MAP2K2: variants seen among roughly 807,000 people sequenced by gnomAD.
MAP2K2 encodes mitogen-activated protein kinase kinase 2, also known as dual specificity mitogen-activated protein kinase kinase 2.
Under a neutral mutation model 43.7 loss-of-function variants are expected in MAP2K2, and 24 were observed. The ratio of observed to expected loss-of-function variants is 0.55; its 90% CI spans 0.40 to 0.77. MAP2K2 has a LOEUF of 0.77. MAP2K2 is among the 30% of genes least tolerant of loss of function. The probability of loss-of-function intolerance (pLI) is 0.00; values close to 1 mark genes in which losing one functional copy is unlikely to be tolerated. For synonymous variants in MAP2K2, 244 were observed against 239.7 expected (o/e 1.02, Z -0.17); for missense variants, 470 against 566.8 (o/e 0.83, Z 1.73).
rs906118971 is a variant in MAP2K2 at position 4,101,920 on chromosome 19, C to T, written c.528+456G>A. Among the ~76,000 whole-genome samples the T allele has an allele frequency of 9.2e-5, 14 of 152,186 alleles. No individual in the cohort carries two copies. Among genetic ancestry groups the T allele is most frequent in the African/African-American group, 1.9e-4 (8 of 41,446 alleles). Reference sequence around the variant, plus strand: ...ACACGCACGGTCTGCTGAAACCACACGGCTCTACGGAGCAGCTGTGCTGGA... The same window carrying T: ...ACACGCACGGTCTGCTGAAACCACATGGCTCTACGGAGCAGCTGTGCTGGA... On this transcript the variant is annotated intron_variant, in intron 4 of 10. Coordinates refer to ENST00000262948, the MANE Select transcript of MAP2K2 (RefSeq NM_030662.4). This position sits in a 1 kb window ranked among gnomAD's most constrained non-coding sequence, Gnocchi z 6.3.
At chr19:4,104,414 G>A (rs1431918131) in intron 3 of MAP2K2, among the ~76,000 whole-genome samples, 4 of 151,994 alleles carry the variant, frequency 2.6e-5, no homozygotes, top group South Asian at 2.1e-4. Context: ...TCAGCCGGGC[G>A]TGGTGGTGCA....
intron 2 of MAP2K2, among the ~76,000 whole-genome samples, chr19:4,112,039 G>C (rs937764232): frequency 6.6e-6 from 1 of 152,154 alleles, no homozygotes; most frequent in Non-Finnish European, 1.5e-5. Flanking sequence ...ACAAGCCCCA[G>C]AAGAGCCAGG....
intron 3 of MAP2K2, among the ~76,000 whole-genome samples, chr19:4,108,343 C>T (rs2041113149): frequency 6.6e-6 from 1 of 152,120 alleles, no homozygotes; most frequent in South Asian, 2.1e-4. Flanking sequence ...AGGGTTCACG[C>T]CATTCCCCTG....
intron 2 of MAP2K2, among the ~76,000 whole-genome samples, chr19:4,114,659 C>A (rs570718221): frequency 9.4e-4 from 143 of 152,312 alleles, no homozygotes; most frequent in African/African-American, 3.2e-3. Context: ...CCTCAAATAC[C>A]GAGACTGGGC....
At position 4,102,298 on chromosome 19, in the gene MAP2K2, C is replaced by A; in HGVS notation, c.528+78G>T. The A allele has an allele frequency of 3.1e-6, 4 of 1,287,216 alleles. No individual in the cohort carries two copies. In the South Asian group the frequency reaches 5.1e-5, roughly 16 times the overall value. The allele number at this position is 1,287,216 out of a possible 1,614,324, so 79.7% of individuals were successfully genotyped here. A position where few individuals can be genotyped will look rare whatever the true frequency, so the allele number is the denominator to read the frequency against. On this transcript the variant is annotated intron_variant, in intron 4 of 10. Coordinates refer to ENST00000262948, the MANE Select transcript of MAP2K2 (RefSeq NM_030662.4). ...CTAACCCCCACCACACTGTGAGTGG[C>A]TCCCGGAACCCTGGCCGTGTGGAAG...
chr19:4,108,829 G>GGGGGAAGAC (rs781284344), intron 3 of MAP2K2, among the ~76,000 whole-genome samples: 1 of 152,064 alleles, frequency 6.6e-6, no homozygotes, highest in African/African-American at 2.4e-5. Flanking sequence ...GCGAGGAGGA[G>GGGGGAAGAC]GGGGAAGACG....
intron 7 of MAP2K2, 33 bp downstream of exon 7, chr19:4,099,168 G>T (rs376075475): frequency 2.6e-6 from 4 of 1,566,614 alleles, no homozygotes; most frequent in South Asian, 2.3e-5. Flanking sequence ...GGCACTGCGC[G>T]TCCAGACCGG....
At chr19:4,117,249 C>A (rs2041232757) in intron 2 of MAP2K2, among the ~76,000 whole-genome samples, 170 bp downstream of exon 2, 1 of 152,136 alleles carries the variant, frequency 6.6e-6, no homozygotes, top group Non-Finnish European at 1.5e-5. Context: ...CGGCTCCCAT[C>A]TGCCCAGAAG....
chr19:4,095,234 G>A, intron 9 of MAP2K2, 154 bp downstream of exon 9: 2 of 666,466 alleles, frequency 3.0e-6, no homozygotes, highest in South Asian at 3.6e-5. Flanking sequence ...ACAGCTCTGG[G>A]AAAAGGAATC....
intron 7 of MAP2K2, among the ~76,000 whole-genome samples, chr19:4,098,896 C>T (rs1002340857): frequency 3.3e-5 from 5 of 152,270 alleles, no homozygotes; most frequent in African/African-American, 4.8e-5. Context: ...TGAATGCTTT[C>T]GGGATAAAAT....
intron 3 of MAP2K2, among the ~76,000 whole-genome samples, chr19:4,106,453 G>C (rs1416957524): frequency 6.6e-6 from 1 of 152,190 alleles, no homozygotes. Context: ...GCTGTCGCCA[G>C]GCTGGAGTGC....
In MAP2K2 at chr19:4,118,278, G is replaced by A. The variant is rs914071899; in HGVS notation, c.93-649C>T. ...TAACGCACGAGCTCCGGACCATGTC[G>A]GGAGGAGACGAGGAAGCTGGGATCG... On this transcript the variant is annotated intron_variant, in intron 1 of 10. Coordinates refer to ENST00000262948, the MANE Select transcript of MAP2K2 (RefSeq NM_030662.4). 7.9e-5 allele frequency among the ~76,000 whole-genome samples: 12 copies of A among 152,272 alleles called. No homozygotes were observed. In the East Asian group the frequency reaches 1.3e-3, roughly 17 times the overall value.
chr19:4,102,940 T>C, intron 3 of MAP2K2: 11 of 1,112,296 alleles, frequency 9.9e-6, no homozygotes, highest in Non-Finnish European at 1.2e-5. Context: ...ACGCGGGTGC[T>C]GCCCCGCGTG....
chr19:4,101,709 T>C lies in MAP2K2; in HGVS notation c.529-429A>G, dbSNP rs868147047. On this transcript the variant is annotated intron_variant, in intron 4 of 10. Coordinates refer to ENST00000262948, the MANE Select transcript of MAP2K2 (RefSeq NM_030662.4). This position sits in a 1 kb window ranked among gnomAD's most constrained non-coding sequence, Gnocchi z 6.3. Reference sequence around the variant, plus strand: ...CTAAGGGTGCCTGGGAAGGACGATGTTTCCCCCAGGCCCGCCCTGGAAGCA... The same window carrying C: ...CTAAGGGTGCCTGGGAAGGACGATGCTTCCCCCAGGCCCGCCCTGGAAGCA... Among the ~76,000 whole-genome samples the C allele has an allele frequency of 5.3e-5, 8 of 152,074 alleles. No homozygotes were observed. The highest frequency in any genetic ancestry group is 2.1e-4 in the South Asian group (1 of 4,832).
rs79798744 is a variant in MAP2K2 at position 4,112,578 on chromosome 19, G to A, written c.304-1923C>T. ...CCTTGAGAAGCATGGCAGGGCCCGG[G>A]GCACGGTGCCCACCTCCCCCCGCCC... is the stretch of plus-strand genomic sequence containing the variant. On this transcript the variant is annotated intron_variant, in intron 2 of 10. Coordinates refer to ENST00000262948, the MANE Select transcript of MAP2K2 (RefSeq NM_030662.4). Among the ~76,000 whole-genome samples, 160 of 152,264 alleles carry A rather than the reference G, an allele frequency of 1.1e-3. 1 individual carries two copies. Among genetic ancestry groups the A allele is most frequent in the East Asian group, 7.1e-3 (37 of 5,180 alleles).
chr19:4,097,387 C>T (rs1374630499), intron 7 of MAP2K2, 44 bp from the exon 8 acceptor site: 2 of 1,478,038 alleles, frequency 1.4e-6, no homozygotes, highest in Admixed American at 1.7e-5. Flanking sequence ...CGATGGCCAC[C>T]TCACTTCTGC....
At chr19:4,099,589 G>A (rs1454321012) in intron 6 of MAP2K2, 175 bp from the exon 7 acceptor site, 18 of 619,894 alleles carry the variant, frequency 2.9e-5, no homozygotes, top group East Asian at 1.1e-4. Context: ...GCCTCCCTGC[G>A]GCACTTGCTG....
chr19:4,105,155 CGTGTGTGTGTGTGTGTGTGTGTGT>C (rs61710801), intron 3 of MAP2K2, among the ~76,000 whole-genome samples: 10 of 137,756 alleles, frequency 7.3e-5, no homozygotes, highest in East Asian at 6.3e-4. Context: ...ACACGTCTAC[CGTGTGTGTGTGTGTGTGTGTGTGT>C]GTGTGTGTGT....
At chr19:4,105,268 T>G (rs1198221546) in intron 3 of MAP2K2, among the ~76,000 whole-genome samples, 3 of 151,496 alleles carry the variant, frequency 2.0e-5, no homozygotes, top group Admixed American at 2.0e-4. Flanking sequence ...ACATTTTTCT[T>G]TCTTTTTTTT....
Sources: allele counts gnomAD v4.1 joint callset (sites outside exome capture counted in the v4.1 genomes callset), GRCh38; gene constraint gnomAD v4.1.1; non-coding constraint Gnocchi (gnomAD v3.1); transcripts MANE v1.5; gene names NCBI Gene and HGNC (gene_info 2026-07-23, HGNC 2026-07-21).